Variants in MED13L observed in about 807,000 individuals in gnomAD.
MED13L encodes mediator complex subunit 13L.
Under a neutral mutation model 220.9 loss-of-function variants are expected in MED13L, and 7 were observed. The ratio of observed to expected loss-of-function variants is 0.03; its 90% CI spans 0.02 to 0.06. MED13L has a LOEUF of 0.06. Among genes scored for constraint, MED13L ranks in the 10% least tolerant of loss-of-function variants. The pLI is 1.00. For synonymous variants in MED13L, 1,011 were observed against 1,015.2 expected (o/e 1.00, Z 0.08); for missense variants, 1,965 against 2,760.5 (o/e 0.71, Z 6.46).
At position 116,123,549 on chromosome 12, in the gene MED13L, A is replaced by G. The variant is rs565593202; in HGVS notation, c.311-12037T>C. Among the ~76,000 whole-genome samples, 92 of 152,290 alleles carry G rather than the reference A, an allele frequency of 6.0e-4. 1 individual carries two copies. The South Asian group carries it at 0.018, about 31-fold the overall frequency. Reference sequence around the variant, plus strand: ...CCTTCCACTCTTCAGACACAAACTAATTTGAATAAAAAACACACGCACATG... The same window carrying G: ...CCTTCCACTCTTCAGACACAAACTAGTTTGAATAAAAAACACACGCACATG... On this transcript the variant is annotated intron_variant, in intron 2 of 30. Coordinates refer to ENST00000281928, the MANE Select transcript of MED13L (RefSeq NM_015335.5).
intron 3 of MED13L, among the ~76,000 whole-genome samples, chr12:116,109,261 T>C (rs1326763433): frequency 6.6e-6 from 1 of 151,770 alleles, no homozygotes; most frequent in Non-Finnish European, 1.5e-5. Flanking sequence ...TGTAGATACA[T>C]GGTCTCACCA....
intron 21 of MED13L, among the ~76,000 whole-genome samples, 192 bp downstream of exon 21, chr12:115,982,922 CATA>C (rs1175670427): frequency 2.0e-5 from 3 of 152,128 alleles, no homozygotes; most frequent in Non-Finnish European, 4.4e-5. Flanking sequence ...GTTTATAATT[CATA>C]ATAATTTATA....
chr12:116,188,733 TC>T (rs1881063870), intron 2 of MED13L, among the ~76,000 whole-genome samples: 1 of 152,122 alleles, frequency 6.6e-6, no homozygotes, highest in Non-Finnish European at 1.5e-5. Flanking sequence ...CCAACTTTCC[TC>T]CCACTTCCAC....
chr12:116,142,607 G>T (rs2138054113), intron 2 of MED13L, among the ~76,000 whole-genome samples: 1 of 152,226 alleles, frequency 6.6e-6, no homozygotes, highest in South Asian at 2.1e-4. Context: ...AGAATCGCTT[G>T]AACCGGGGTG....
intron 2 of MED13L, among the ~76,000 whole-genome samples, chr12:116,231,665 G>A (rs1196683712): frequency 2.0e-5 from 3 of 151,970 alleles, no homozygotes; most frequent in Admixed American, 6.6e-5. Flanking sequence ...TAATTATATC[G>A]ATATTAAATT....
chr12:115,962,123 G>T (rs1875806400), intron 30 of MED13L, among the ~76,000 whole-genome samples: 1 of 151,930 alleles, frequency 6.6e-6, no homozygotes, highest in Non-Finnish European at 1.5e-5. Flanking sequence ...TTTTAATGTG[G>T]CTAACAGAAA....
chr12:116,092,842 G>A (rs1872349562), intron 4 of MED13L, among the ~76,000 whole-genome samples: 1 of 152,022 alleles, frequency 6.6e-6, no homozygotes, highest in Non-Finnish European at 1.5e-5. Flanking sequence ...AACATGTGAT[G>A]CTCTCTGGAG....
chr12:115,975,884 A>G, intron 23 of MED13L, 146 bp from the exon 24 acceptor site: 1 of 729,876 alleles, frequency 1.4e-6, no homozygotes, highest in South Asian at 1.6e-5. Context: ...AGAGACACAT[A>G]AATAGTACTG....
chr12:116,065,006 T>C (rs1451921201), intron 4 of MED13L, among the ~76,000 whole-genome samples: 1 of 152,186 alleles, frequency 6.6e-6, no homozygotes, highest in Non-Finnish European at 1.5e-5. Flanking sequence ...CACTAAGTGA[T>C]TTCATTGCTG....
rs1876139693 is a variant in MED13L, at chr12:115,966,106, T to C, written c.6363A>G (p.Gln2121=). 35 of 1,614,198 alleles carry C rather than the reference T, an allele frequency of 2.2e-5. No homozygotes were observed. The East Asian group carries it at 7.8e-4, about 36-fold the overall frequency. The change falls in exon 29 of 31, where the codon CAA becomes CAG. Residue 2121 remains glutamine (Q), a synonymous_variant. Coordinates refer to ENST00000281928, the MANE Select transcript of MED13L (RefSeq NM_015335.5). ...CCTTTAAGAAGAGAGGGCACTGGTT[T>C]TGAGCCTGGGGACACGATGACCAAA... ...QWFWSSCPQA[Q]NQCPLFLKAS...
chr12:116,157,537 T>C (rs185171477), intron 2 of MED13L, among the ~76,000 whole-genome samples: 1 of 152,362 alleles, frequency 6.6e-6, no homozygotes, highest in Admixed American at 6.5e-5. Context: ...CTCCTTTCTT[T>C]GGCAACGGTT....
intron 17 of MED13L, among the ~76,000 whole-genome samples, chr12:115,990,574 A>G (rs1004558037): frequency 6.6e-6 from 1 of 152,220 alleles, no homozygotes; most frequent in Admixed American, 6.5e-5. Context: ...TGATTTTGTT[A>G]TAAGTGATAC....
chr12:116,095,092 G>A (rs1297753930), intron 4 of MED13L, among the ~76,000 whole-genome samples: 2 of 152,104 alleles, frequency 1.3e-5, no homozygotes, highest in African/African-American at 2.4e-5. Context: ...AACCCGGGAG[G>A]CAGAGGTTGC....
intron 4 of MED13L, among the ~76,000 whole-genome samples, chr12:116,030,797 T>C (rs1475079619): frequency 6.6e-6 from 1 of 152,134 alleles, no homozygotes; most frequent in Non-Finnish European, 1.5e-5. Flanking sequence ...ATAAATCTGA[T>C]ATATATGAAA....
intron 1 of MED13L, among the ~76,000 whole-genome samples, chr12:116,266,691 A>G (rs966610448): frequency 2.0e-5 from 3 of 152,234 alleles, no homozygotes; most frequent in Non-Finnish European, 4.4e-5. Context: ...ATTTGTAGCA[A>G]GAGATGGGAG....
intron 23 of MED13L, among the ~76,000 whole-genome samples, chr12:115,976,070 T>C (rs1298893335): frequency 6.6e-6 from 1 of 152,080 alleles, no homozygotes; most frequent in Non-Finnish European, 1.5e-5. Context: ...ACCACCAGTA[T>C]GTCGAAAATA....
intron 2 of MED13L, among the ~76,000 whole-genome samples, chr12:116,227,857 C>T (rs1483700028): frequency 6.6e-6 from 1 of 151,896 alleles, no homozygotes; most frequent in East Asian, 1.9e-4. Flanking sequence ...GAAGTCATGT[C>T]GAAAGCCAAG....
chr12:116,057,095 C>T (rs1869037948), intron 4 of MED13L, among the ~76,000 whole-genome samples: 1 of 152,174 alleles, frequency 6.6e-6, no homozygotes, highest in South Asian at 2.1e-4. Flanking sequence ...AAGGTTAAAT[C>T]AGAAGCCGAA....
intron 30 of MED13L, among the ~76,000 whole-genome samples, chr12:115,962,363 C>T (rs1284864029): frequency 1.3e-5 from 2 of 152,288 alleles, no homozygotes; most frequent in Admixed American, 1.3e-4. Context: ...AGGGTTTGTG[C>T]CCCTATGAGA....
Sources: gnomAD v4.1 joint callset for allele counts (sites outside exome capture counted in the v4.1 genomes callset) on GRCh38, gnomAD v4.1.1 for gene constraint, MANE v1.5 for transcripts, NCBI Gene and HGNC (gene_info 2026-07-23, HGNC 2026-07-21) for gene names.